The following NEMP2 variants were observed in gnomAD, a reference collection of about 807,000 sequenced individuals.
The protein encoded by NEMP2 is nuclear envelope integral membrane protein 2.
A neutral mutation model predicts 54.2 loss-of-function variants in NEMP2; 53 were observed. The observed-to-expected ratio is 0.98, with a 90% CI of 0.78 to 1.23. The LOEUF is 1.23. Ranked by LOEUF, NEMP2 falls within the 50% of genes most tolerant of loss-of-function variation. The pLI is 0.00. For missense variants in NEMP2, 455 were observed against 511.3 expected, an observed-to-expected ratio of 0.89 and a Z score of 1.06; for synonymous variants, 197 against 190.3, an observed-to-expected ratio of 1.04 and a Z score of -0.29.
chr2:190,536,586 A>G (rs1295291509), upstream of NEMP2, among the ~76,000 whole-genome samples: 3 of 152,204 alleles, frequency 2.0e-5, no homozygotes, highest in African/African-American at 7.2e-5. Context: ...CAGGAGTGTG[A>G]AAAACCCCTT....
the NEMP2 span, among the ~76,000 whole-genome samples, chr2:190,559,796 C>T: frequency 6.6e-6 from 1 of 152,112 alleles, no homozygotes; most frequent in African/African-American, 2.4e-5. The surrounding 1 kb of genome is among the most constrained non-coding windows in gnomAD (Gnocchi z 4.0). Context: ...AGTATCCTGG[C>T]CCCTGGCAGC....
the NEMP2 span, among the ~76,000 whole-genome samples, chr2:190,441,493 G>C: frequency 6.6e-6 from 1 of 151,932 alleles, no homozygotes; most frequent in East Asian, 1.9e-4. Flanking sequence ...CGGGGGTTGG[G>C]GGGAAAGCAG....
downstream of NEMP2, chr2:190,499,778 T>C: frequency 6.8e-7 from 1 of 1,477,536 alleles, no homozygotes. The surrounding 1 kb of genome is among the most constrained non-coding windows in gnomAD (Gnocchi z 6.0). Context: ...ATGTTCCTTT[T>C]TCCACAAGAC....
chr2:190,455,011 A>G, the NEMP2 span, among the ~76,000 whole-genome samples: 1 of 136,560 alleles, frequency 7.3e-6, no homozygotes, highest in Non-Finnish European at 1.7e-5. Flanking sequence ...ATGTATATGT[A>G]TATGTATATG....
rs965031644 is a variant in NEMP2, at chr2:190,517,502, T to G, written c.612+18A>C. ...TCATGATTTCCATTTTTTACTCATT[T>G]TCACATAGTATGCCTACCTTCGGAA... On this transcript the variant is annotated intron_variant, in intron 5 of 8. Coordinates refer to ENST00000409150, the MANE Select transcript of NEMP2 (RefSeq NM_001142645.2). 6 of 1,517,664 alleles carry G rather than the reference T, an allele frequency of 4.0e-6. No homozygotes were observed. In the African/African-American group the frequency reaches 7.0e-5, roughly 18 times the overall value. The allele number at this position is 1,517,664 out of a possible 1,614,324, so 94.0% of individuals were successfully genotyped here.
chr2:190,564,359 G>T, the NEMP2 span, among the ~76,000 whole-genome samples: 1 of 152,136 alleles, frequency 6.6e-6, no homozygotes, highest in South Asian at 2.1e-4. The surrounding 1 kb of genome is among the most constrained non-coding windows in gnomAD (Gnocchi z 4.2). Flanking sequence ...TCAATCCATG[G>T]CTGGAAACTT....
the NEMP2 span, among the ~76,000 whole-genome samples, chr2:190,621,086 A>G: frequency 6.6e-6 from 1 of 152,214 alleles, no homozygotes; most frequent in Non-Finnish European, 1.5e-5. Context: ...AATACAAAAT[A>G]CCATTGAAAG....
In NEMP2 at chr2:190,508,969, G is replaced by T; in HGVS notation, c.*220C>A. 1.7e-6 allele frequency: 1 copy of T among 574,606 alleles called. No individual in the cohort carries two copies. The highest frequency in any genetic ancestry group is 2.9e-6 in the Non-Finnish European group (1 of 341,690). The allele number at this position is 574,606 out of a possible 1,614,324, so 35.6% of individuals were successfully genotyped here. A position where few individuals can be genotyped will look rare whatever the true frequency, so the allele number is the denominator to read the frequency against. On this transcript the variant is annotated 3_prime_UTR_variant, in exon 9 of 9. Transcript: ENST00000409150. The surrounding 1 kb of genome is among the most constrained non-coding windows in gnomAD (Gnocchi z 4.3). Reference sequence around the variant, plus strand: ...AAGGTAAGTGGTAGTGGCTGTCACAGAATTTTGGTATCCACCTACAGTACA... The same window carrying T: ...AAGGTAAGTGGTAGTGGCTGTCACATAATTTTGGTATCCACCTACAGTACA...
the NEMP2 span, among the ~76,000 whole-genome samples, chr2:190,475,127 T>C: frequency 2.0e-5 from 3 of 151,386 alleles, no homozygotes; most frequent in African/African-American, 4.8e-5. Flanking sequence ...GGGCAAAAAC[T>C]GGAAGCATTC....
chr2:190,476,226 G>C, the NEMP2 span, among the ~76,000 whole-genome samples: 1 of 151,752 alleles, frequency 6.6e-6, no homozygotes, highest in Non-Finnish European at 1.5e-5. Context: ...TCTAATTAAA[G>C]AGCTTCTGCA....
chr2:190,483,671 C>T, the NEMP2 span, among the ~76,000 whole-genome samples: 1 of 151,898 alleles, frequency 6.6e-6, no homozygotes, highest in African/African-American at 2.4e-5. Context: ...CCTGTCTCTA[C>T]TAAGGGTACG....
At chr2:190,536,593 C>T (rs993070653), upstream of NEMP2, among the ~76,000 whole-genome samples, 1 of 152,162 alleles carries the variant, frequency 6.6e-6, no homozygotes, top group Non-Finnish European at 1.5e-5. Flanking sequence ...GTGAAAAACC[C>T]CTTTTCCCCA....
chr2:190,485,739 T>C, the NEMP2 span, among the ~76,000 whole-genome samples: 2 of 152,144 alleles, frequency 1.3e-5, no homozygotes, highest in Non-Finnish European at 2.9e-5. This position sits in a 1 kb window ranked among gnomAD's most constrained non-coding sequence, Gnocchi z 5.1. Context: ...GCAAACACGT[T>C]ATTTGACTTC....
the NEMP2 span, among the ~76,000 whole-genome samples, chr2:190,478,911 ACT>A: frequency 6.6e-6 from 1 of 152,094 alleles, no homozygotes; most frequent in Non-Finnish European, 1.5e-5. Flanking sequence ...GAGAACTAGT[ACT>A]GTCTAGTACT....
the NEMP2 span, among the ~76,000 whole-genome samples, chr2:190,441,560 G>T: frequency 6.6e-6 from 1 of 152,044 alleles, no homozygotes; most frequent in Non-Finnish European, 1.5e-5. Context: ...ATTTGGAGAT[G>T]GTTCCCTCTA....
chr2:190,513,346 C>G lies in NEMP2; in HGVS notation c.953+1107G>C, dbSNP rs1302622976. ...CAGGACTCATATTCCCACACATGAG[C>G]AATCAGCTCAAGCTGAGTGGTAACA... On this transcript the variant is annotated intron_variant, in intron 7 of 8. Coordinates refer to ENST00000409150, the MANE Select transcript of NEMP2 (RefSeq NM_001142645.2). The surrounding 1 kb of genome is among the most constrained non-coding windows in gnomAD (Gnocchi z 5.3). 6.6e-6 allele frequency among the ~76,000 whole-genome samples: 1 copy of G among 152,192 alleles called. No homozygotes were observed. The highest frequency in any genetic ancestry group is 1.5e-5 in the Non-Finnish European group (1 of 68,036).
chr2:190,639,366 C>T, the NEMP2 span, among the ~76,000 whole-genome samples: 1 of 150,658 alleles, frequency 6.6e-6, no homozygotes, highest in African/African-American at 2.5e-5. Flanking sequence ...TTTTAGCTCC[C>T]AGATTTTGTT....
intron 5 of NEMP2, 42 bp downstream of exon 5, chr2:190,517,478 C>G: frequency 7.3e-7 from 1 of 1,361,546 alleles, no homozygotes; most frequent in Non-Finnish European, 1.0e-6. Flanking sequence ...TCTGTAAGAT[C>G]ATGATTTCCA....
chr2:190,566,371 C>A, the NEMP2 span, among the ~76,000 whole-genome samples: 1 of 152,074 alleles, frequency 6.6e-6, no homozygotes, highest in Admixed American at 6.5e-5. Flanking sequence ...GTAATCCCAG[C>A]ACTTTGGGAG....
Sources: allele counts gnomAD v4.1 joint callset (sites outside exome capture counted in the v4.1 genomes callset), GRCh38; gene constraint gnomAD v4.1.1; non-coding constraint Gnocchi (gnomAD v3.1); transcripts MANE v1.5; gene names NCBI Gene and HGNC (gene_info 2026-07-23, HGNC 2026-07-21).